SCEL: variants seen among roughly 807,000 people sequenced by gnomAD.
SCEL encodes sciellin.
A neutral mutation model predicts 117.6 loss-of-function variants in SCEL; 113 were observed. The observed-to-expected ratio is 0.96, with a 90% CI of 0.83 to 1.12. The LOEUF is 1.12. Among genes scored for constraint, SCEL ranks in the 50% most tolerant of loss-of-function variants. SCEL has a pLI of 0.00. For synonymous variants in SCEL, 270 were observed against 256.2 expected, an observed-to-expected ratio of 1.05 and a Z score of -0.51; for missense variants, 785 against 810.8, an observed-to-expected ratio of 0.97 and a Z score of 0.39.
At chr13:77,563,761 A>AT in intron 4 of SCEL, 70 bp from the exon 5 acceptor site, 1 of 1,182,280 alleles carries the variant, frequency 8.5e-7, no homozygotes, top group South Asian at 1.4e-5. Context: ...CATATGTATG[A>AT]TAGGTTTTAT....
At chr13:77,593,627 A>T in intron 12 of SCEL, 54 bp downstream of exon 12, 1 of 1,325,274 alleles carries the variant, frequency 7.5e-7, no homozygotes, top group Admixed American at 1.8e-5. Flanking sequence ...TGTTTCAAAA[A>T]TGCTTAACCA....
At chr13:77,540,473 G>C (rs2083646682) in intron 1 of SCEL, among the ~76,000 whole-genome samples, 1 of 152,216 alleles carries the variant, frequency 6.6e-6, no homozygotes. Flanking sequence ...AACTCAGCCT[G>C]GGGAGGAAGG....
intron 18 of SCEL, 188 bp from the exon 19 acceptor site, chr13:77,604,168 T>C: frequency 2.4e-6 from 1 of 409,202 alleles, no homozygotes; most frequent in South Asian, 4.7e-5. Flanking sequence ...TACTAACAAA[T>C]AAGCAACATT....
At chr13:77,561,980 C>T (rs988113652) in intron 4 of SCEL, among the ~76,000 whole-genome samples, 2 of 151,662 alleles carry the variant, frequency 1.3e-5, no homozygotes, top group Non-Finnish European at 3.0e-5. Flanking sequence ...ACTGTCATCA[C>T]CTTAGATAAT....
At chr13:77,614,701 T>A (rs1185683499) in intron 24 of SCEL, among the ~76,000 whole-genome samples, 1 of 152,170 alleles carries the variant, frequency 6.6e-6, no homozygotes, top group Non-Finnish European at 1.5e-5. Context: ...TGAAAACCAA[T>A]GTTCCAGATG....
intron 27 of SCEL, among the ~76,000 whole-genome samples, chr13:77,619,110 C>G (rs1474575590): frequency 6.6e-6 from 1 of 152,102 alleles, no homozygotes; most frequent in Non-Finnish European, 1.5e-5. Context: ...AAATAGTAGT[C>G]CAGTATTCTG....
chr13:77,599,836 C>T, intron 15 of SCEL, 88 bp downstream of exon 15: 1 of 925,604 alleles, frequency 1.1e-6, no homozygotes, highest in Non-Finnish European at 1.8e-6. Flanking sequence ...GTACAAGGGT[C>T]AGGCAGGCTG....
At position 77,624,017 on chromosome 13, in the gene SCEL, C is replaced by T. The variant is rs146242342; in HGVS notation, c.1629-3930C>T. ...AAGCTGTCAGCAGGGTTGGTTCCTTCCACGGAGTTGGTTCCTTCTGAGGCC... is the reference window on the plus strand; with the variant it reads ...AAGCTGTCAGCAGGGTTGGTTCCTTTCACGGAGTTGGTTCCTTCTGAGGCC... On this transcript the variant is annotated intron_variant, in intron 27 of 32. Transcript: ENST00000349847. 7.4e-3 allele frequency among the ~76,000 whole-genome samples: 1,132 copies of T among 152,182 alleles called. 16 individuals carry two copies. The highest frequency in any genetic ancestry group is 0.024 in the African/African-American group (1,008 of 41,522).
intron 9 of SCEL, among the ~76,000 whole-genome samples, chr13:77,588,813 T>C (rs1371686442): frequency 2.0e-5 from 3 of 152,180 alleles, no homozygotes; most frequent in Admixed American, 2.0e-4. Context: ...ACAGTTCTCA[T>C]GCACTGCTGA....
intron 23 of SCEL, 33 bp downstream of exon 23, chr13:77,612,974 G>A: frequency 3.1e-6 from 4 of 1,278,792 alleles, no homozygotes; most frequent in South Asian, 1.4e-5. Context: ...AGACTTCTTA[G>A]CAAGTCACCA....
At chr13:77,593,719 C>T in intron 12 of SCEL, 146 bp downstream of exon 12, 1 of 591,488 alleles carries the variant, frequency 1.7e-6, no homozygotes. Flanking sequence ...ATCAGTTTCT[C>T]CAGATAAGTA....
intron 23 of SCEL, 94 bp downstream of exon 23, chr13:77,613,035 G>A: frequency 2.8e-6 from 2 of 720,144 alleles, no homozygotes; most frequent in South Asian, 2.0e-5. Context: ...ATTTTGAAAG[G>A]GGACATGAAA....
intron 9 of SCEL, among the ~76,000 whole-genome samples, chr13:77,587,227 C>A (rs1333934605): frequency 6.6e-6 from 1 of 151,972 alleles, no homozygotes; most frequent in Non-Finnish European, 1.5e-5. Context: ...CTATACTCAT[C>A]TAGTTCTTTC....
intron 9 of SCEL, among the ~76,000 whole-genome samples, chr13:77,586,025 C>A (rs1309534217): frequency 6.6e-6 from 1 of 152,184 alleles, no homozygotes; most frequent in Non-Finnish European, 1.5e-5. Flanking sequence ...CTCCCTGAAA[C>A]TCTCCATCTC....
chr13:77,563,648 T>G (rs2085111848), intron 4 of SCEL, among the ~76,000 whole-genome samples, 183 bp from the exon 5 acceptor site: 2 of 152,218 alleles, frequency 1.3e-5, no homozygotes, highest in South Asian at 4.1e-4. Flanking sequence ...GGATATTGGA[T>G]TTTCCATAAT....
chr13:77,587,440 A>T (rs1594034558), intron 9 of SCEL, among the ~76,000 whole-genome samples: 1 of 152,116 alleles, frequency 6.6e-6, no homozygotes, highest in East Asian at 1.9e-4. Context: ...CGAAGTAGCT[A>T]CCCATTTCTG....
At chr13:77,618,164 T>G (rs2089200919) in intron 27 of SCEL, 104 bp downstream of exon 27, 1 of 813,740 alleles carries the variant, frequency 1.2e-6, no homozygotes, top group African/African-American at 1.7e-5. Flanking sequence ...CTTACTCCTT[T>G]CCTCCCTTCC....
intron 1 of SCEL, among the ~76,000 whole-genome samples, chr13:77,544,134 T>A (rs997361961): frequency 6.6e-6 from 1 of 152,186 alleles, no homozygotes; most frequent in African/African-American, 2.4e-5. Flanking sequence ...CTATAAAATA[T>A]AAGCTCAAAA....
chr13:77,595,017 G>A (rs566939812), intron 12 of SCEL, among the ~76,000 whole-genome samples: 9 of 152,282 alleles, frequency 5.9e-5, no homozygotes, highest in African/African-American at 1.7e-4. Flanking sequence ...TCTGTTGCAG[G>A]TAATATTTTG....
Sources: allele counts gnomAD v4.1 joint callset (sites outside exome capture counted in the v4.1 genomes callset), GRCh38; gene constraint gnomAD v4.1.1; transcripts MANE v1.5; gene names NCBI Gene and HGNC (gene_info 2026-07-23, HGNC 2026-07-21).